IGSF21: variants seen among roughly 807,000 people sequenced by gnomAD.
IGSF21 encodes the protein immunoglobulin superfamily member 21.
In IGSF21, 28 loss-of-function variants were observed where a neutral mutation model predicts 46.8. That is an observed-to-expected ratio of 0.60 (90% CI 0.44 to 0.82). The LOEUF is 0.82. IGSF21 is among the 40% of genes least tolerant of loss of function. The pLI, the probability that IGSF21 is intolerant of heterozygous loss-of-function variation, is 0.00. For synonymous variants in IGSF21, 284 were observed against 273.6 expected (o/e 1.04, Z -0.38); for missense variants, 624 against 665.5 (o/e 0.94, Z 0.69).
At chr1:18,317,092 T>C (rs1186834336) in intron 3 of IGSF21, among the ~76,000 whole-genome samples, 1 of 152,200 alleles carries the variant, frequency 6.6e-6, no homozygotes, top group Non-Finnish European at 1.5e-5. Flanking sequence ...AGGTTTCTCA[T>C]TGACCAGTGC....
chr1:18,202,479 A>C (rs2087085934), intron 1 of IGSF21, among the ~76,000 whole-genome samples: 1 of 152,134 alleles, frequency 6.6e-6, no homozygotes, highest in Non-Finnish European at 1.5e-5. Flanking sequence ...AGTTTAATTG[A>C]CTCACAGTTC....
intron 1 of IGSF21, among the ~76,000 whole-genome samples, chr1:18,208,078 T>C (rs2084349917): frequency 6.6e-6 from 1 of 151,990 alleles, no homozygotes; most frequent in Non-Finnish European, 1.5e-5. Context: ...TGCATATCAT[T>C]GGCCAACAGG....
At chr1:18,221,593 T>G (rs2084511083) in intron 1 of IGSF21, among the ~76,000 whole-genome samples, 1 of 152,126 alleles carries the variant, frequency 6.6e-6, no homozygotes, top group Non-Finnish European at 1.5e-5. Context: ...CCCGCGATTT[T>G]GCTAAATGTA....
chr1:18,371,306 T>G (rs1221513678), intron 6 of IGSF21, among the ~76,000 whole-genome samples: 1 of 152,234 alleles, frequency 6.6e-6, no homozygotes, highest in Non-Finnish European at 1.5e-5. Flanking sequence ...GCACGGTGGC[T>G]TACACTTGCA....
chr1:18,111,573 T>G (rs1415915654), intron 1 of IGSF21: 1 of 152,180 alleles, frequency 6.6e-6, no homozygotes, highest in Non-Finnish European at 1.5e-5. Context: ...CACACAAGTC[T>G]TTCACAACCT....
intron 1 of IGSF21, among the ~76,000 whole-genome samples, chr1:18,146,172 G>A (rs2086465017): frequency 6.6e-6 from 1 of 152,166 alleles, no homozygotes; most frequent in African/African-American, 2.4e-5. Flanking sequence ...TGTAATCAAT[G>A]CCAGTTTCTC....
intron 3 of IGSF21, among the ~76,000 whole-genome samples, chr1:18,295,231 C>T (rs1231955423): frequency 1.3e-5 from 2 of 152,172 alleles, no homozygotes; most frequent in African/African-American, 2.4e-5. Context: ...CTGGATAGAG[C>T]GTCCCAGAGG....
chr1:18,246,319 C>T (rs2084783033), intron 2 of IGSF21, among the ~76,000 whole-genome samples: 1 of 152,084 alleles, frequency 6.6e-6, no homozygotes, highest in African/African-American at 2.4e-5. Context: ...AGGTCCCACC[C>T]CTTCCTGCCT....
chr1:18,270,859 C>T (rs1347329648), intron 2 of IGSF21, among the ~76,000 whole-genome samples: 2 of 152,206 alleles, frequency 1.3e-5, no homozygotes, highest in African/African-American at 4.8e-5. Flanking sequence ...GCCGCATGTG[C>T]GATTTGACAC....
intron 1 of IGSF21, among the ~76,000 whole-genome samples, chr1:18,154,428 A>C (rs1222189129): frequency 6.6e-6 from 1 of 152,004 alleles, no homozygotes; most frequent in Non-Finnish European, 1.5e-5. Flanking sequence ...AAAGGAAAGG[A>C]GATATCAGTG....
At chr1:18,197,505 T>C (rs2087021153) in intron 1 of IGSF21, among the ~76,000 whole-genome samples, 1 of 152,240 alleles carries the variant, frequency 6.6e-6, no homozygotes, top group Non-Finnish European at 1.5e-5. Flanking sequence ...TTCACCCTGC[T>C]GGATGTTCTA....
At chr1:18,108,985 A>AGT (rs10686337) in intron 1 of IGSF21, among the ~76,000 whole-genome samples, 19,315 of 127,656 alleles carry the variant, frequency 0.15, 1,606 homozygotes, top group East Asian at 0.2. Context: ...TGAGCAGCTC[A>AGT]GTGTGTGTGT....
In IGSF21 at chr1:18,109,861, GT is replaced by G. The variant is rs1359931824; in HGVS notation, c.70+1665del. 1.3e-5 allele frequency: 2 copies of G among 152,426 alleles called. No individual in the cohort carries two copies. The highest frequency in any genetic ancestry group is 2.9e-5 in the Non-Finnish European group (2 of 68,298). 9.4% of individuals were successfully genotyped at this position (152,426 alleles called of 1,614,324 possible). ...CACCTGGACATTGCAGGGGGCGGGG[GT>G]TGGAGGCTGGGGACCTAAGGTAAGC... On this transcript the variant is annotated intron_variant, in intron 1 of 9. Coordinates refer to ENST00000251296, the MANE Select transcript of IGSF21 (RefSeq NM_032880.5). This position sits in a 1 kb window ranked among gnomAD's most constrained non-coding sequence, Gnocchi z 4.8.
intron 1 of IGSF21, chr1:18,115,218 C>T (rs2086177720): frequency 6.6e-6 from 1 of 152,492 alleles, no homozygotes; most frequent in Non-Finnish European, 1.5e-5. Context: ...CCTGGCTCCC[C>T]ATAAGGCTTT....
intron 1 of IGSF21, among the ~76,000 whole-genome samples, chr1:18,144,951 C>T (rs2086451902): frequency 6.6e-6 from 1 of 152,118 alleles, no homozygotes. Flanking sequence ...ATGGGTGAGT[C>T]CCGGGTGCCT....
intron 1 of IGSF21, among the ~76,000 whole-genome samples, chr1:18,156,203 G>A (rs558832687): frequency 1.3e-5 from 2 of 152,244 alleles, no homozygotes; most frequent in African/African-American, 4.8e-5. Context: ...ACTTCCAGGG[G>A]TTGGAGTGTC....
intron 2 of IGSF21, among the ~76,000 whole-genome samples, chr1:18,252,045 G>GTTTTTTTTTTTTTT (rs59704256): frequency 1.4e-5 from 1 of 72,066 alleles, no homozygotes. Context: ...TGACCAAGGC[G>GTTTTTTTTTTTTTT]TTTTTTTTTT....
chr1:18,338,105 G>A (rs531124258), intron 4 of IGSF21, among the ~76,000 whole-genome samples: 7 of 152,128 alleles, frequency 4.6e-5, no homozygotes, highest in Non-Finnish European at 7.4e-5. Context: ...GAGGGGCATG[G>A]GACTTGGCCG....
At chr1:18,273,509 T>TTTCTTTCTTTCTTTCTTTCTTTCTTTCC (rs1298588613) in intron 2 of IGSF21, among the ~76,000 whole-genome samples, 1 of 105,808 alleles carries the variant, frequency 9.5e-6, no homozygotes, top group African/African-American at 4.2e-5. Flanking sequence ...TCTTTCTTTC[T>TTTCTTTCTTTCTTTCTTTCTTTCTTTCC]TTCTTTCTTT....
Sources: allele counts gnomAD v4.1 joint callset (sites outside exome capture counted in the v4.1 genomes callset), GRCh38; gene constraint gnomAD v4.1.1; non-coding constraint Gnocchi (gnomAD v3.1); transcripts MANE v1.5; gene names NCBI Gene and HGNC (gene_info 2026-07-23, HGNC 2026-07-21).